Variants in TAF10 observed in about 807,000 individuals in gnomAD.
TAF10 encodes the protein transcription initiation factor TFIID subunit 10.
Under a neutral mutation model 18.1 loss-of-function variants are expected in TAF10, and 2 were observed. That is an observed-to-expected ratio of 0.11 (90% CI 0.05 to 0.35). TAF10 has a LOEUF of 0.35. Among genes scored for constraint, TAF10 ranks in the 10% least tolerant of loss-of-function variants. TAF10 has a pLI of 1.00. For missense variants in TAF10, 293 were observed against 306.9 expected, an observed-to-expected ratio of 0.95 and a Z score of 0.34; for synonymous variants, 158 against 134.6, an observed-to-expected ratio of 1.17 and a Z score of -1.20.
At position 6,612,085 on chromosome 11, in the gene TAF10, G is replaced by A; in HGVS notation, c.105C>T (p.Ser35=). The A allele has an allele frequency of 8.0e-7, 1 of 1,251,172 alleles. No homozygotes were observed. The highest frequency in any genetic ancestry group is 3.1e-5 in the South Asian group (1 of 32,048). The allele number at this position is 1,251,172 out of a possible 1,614,324, so 77.5% of individuals were successfully genotyped here. A position where few individuals can be genotyped will look rare whatever the true frequency, so the allele number is the denominator to read the frequency against. ...PPVSAPAALP[S]STAAENKASP... ...TGGCCTTGTTCTCCGCGGCGGTGCT[G>A]GAGGGCAGCGCGGCGGGAGCCGAGA... The change falls in exon 1 of 5, where the codon TCC becomes TCT. Residue 35 remains serine (S), a synonymous_variant. Transcript: ENST00000299424.
rs1855323389 is a variant in TAF10 at position 6,609,850 on chromosome 11, G to A, written c.*1072C>T. On this transcript the variant is annotated 3_prime_UTR_variant, in exon 5 of 5. Coordinates refer to ENST00000299424, the MANE Select transcript of TAF10 (RefSeq NM_006284.4). ...CTCAATAGCCGTAGTGTAATGGTGA[G>A]GCCACAAGCTCACTCCTGGCCCAGG... The A allele has an allele frequency of 6.2e-7, 1 of 1,614,204 alleles. No individual in the cohort carries two copies. The highest frequency in any genetic ancestry group is 8.5e-7 in the Non-Finnish European group (1 of 1,180,046).
Position 6,609,453 on chromosome 11 carries a change from T to C in TAF10, c.*1469A>G. On this transcript the variant is annotated 3_prime_UTR_variant, in exon 5 of 5. Transcript: ENST00000299424. ...GGAAGCTGCTAGTTCCAAGGAACCC[T>C]GAATAGCACTGAAAGAGATCTTTTG... 6.2e-7 allele frequency: 1 copy of C among 1,613,934 alleles called. No individual in the cohort carries two copies. The highest frequency in any genetic ancestry group is 8.5e-7 in the Non-Finnish European group (1 of 1,179,864).
In TAF10 at chr11:6,608,871, T is replaced by G; in HGVS notation, c.*2051A>C. On this transcript the variant is annotated 3_prime_UTR_variant, in exon 5 of 5. Coordinates refer to ENST00000299424, the MANE Select transcript of TAF10 (RefSeq NM_006284.4). The surrounding 1 kb of genome is among the most constrained non-coding windows in gnomAD (Gnocchi z 4.9). ...CCCTCTGTACCACAGCTTAGGTTGT[T>G]TTTCTTCCCTAGAGCGGGCAGAGAA... is the stretch of plus-strand genomic sequence containing the variant. 6.2e-7 allele frequency: 1 copy of G among 1,614,100 alleles called. No individual in the cohort carries two copies.
At position 6,610,669 on chromosome 11, in the gene TAF10, C is replaced by G. The variant is rs1855416190; in HGVS notation, c.*253G>C. ...GTCGGGACATGGTTGGGGGAATGCA[C>G]CTCCCCAAAGCAGCAGGCCTCTGGT... On this transcript the variant is annotated 3_prime_UTR_variant, in exon 5 of 5. Coordinates refer to ENST00000299424, the MANE Select transcript of TAF10 (RefSeq NM_006284.4). 3 of 1,602,188 alleles carry G rather than the reference C, an allele frequency of 1.9e-6. No individual in the cohort carries two copies. The highest frequency in any genetic ancestry group is 2.2e-5 in the East Asian group (1 of 44,830).
chr11:6,611,299 G>A lies in TAF10; in HGVS notation c.457C>T (p.Arg153Trp), dbSNP rs1855451486. Residue 153 changes from arginine to tryptophan, a missense_variant, in exon 4 of 5, where the codon CGG (arginine) becomes TGG (tryptophan). Physicochemically the swap from Arg to Trp is moderately radical, Grantham distance 101. Coordinates refer to ENST00000299424, the MANE Select transcript of TAF10 (RefSeq NM_006284.4). ...TTCTGGGCAGCTAAGGAGATGAGCC[G>A]AATTCTAGAGAGAAAAAACTTAGAT... Reference protein sequence around the residue: ...GFEASDPRIIRLISLAAQKFI... With the variant: ...GFEASDPRIIWLISLAAQKFI... 1.2e-6 allele frequency: 2 copies of A among 1,614,078 alleles called. No homozygotes were observed. The highest frequency in any genetic ancestry group is 1.7e-6 in the Non-Finnish European group (2 of 1,180,030).
rs1257537906 is a variant in TAF10 at position 6,610,002 on chromosome 11, C to T, written c.*920G>A. On this transcript the variant is annotated 3_prime_UTR_variant, in exon 5 of 5. Transcript: ENST00000299424. The stretch of plus-strand genomic sequence containing the variant: ...CAAGTTCTCTTTCCAATGTCCTGGT[C>T]GCATGTATGCACCTGCCTGGGTAGC... 17 of 1,614,002 alleles carry T rather than the reference C, an allele frequency of 1.1e-5. No homozygotes were observed. The highest frequency in any genetic ancestry group is 2.2e-5 in the East Asian group (1 of 44,902).
rs1263578100 is a variant in TAF10 at position 6,608,021 on chromosome 11, A to G, written c.*2901T>C. The G allele has an allele frequency of 1.2e-6, 2 of 1,613,078 alleles. No individual in the cohort carries two copies. Among genetic ancestry groups the G allele is most frequent in the Non-Finnish European group, 1.7e-6 (2 of 1,179,752 alleles). ...CTTTGCCCCATCCCACCTCCAGCTC[A>G]ATGACCATTGCCCCTTCCTCAAAGG... is the stretch of plus-strand genomic sequence containing the variant. On this transcript the variant is annotated 3_prime_UTR_variant, in exon 5 of 5. Coordinates refer to ENST00000299424, the MANE Select transcript of TAF10 (RefSeq NM_006284.4). This position sits in a 1 kb window ranked among gnomAD's most constrained non-coding sequence, Gnocchi z 4.9.
In TAF10 at chr11:6,610,779, G is replaced by T. The variant is rs1479274971; in HGVS notation, c.*143C>A. 7.5e-7 allele frequency: 1 copy of T among 1,326,964 alleles called. No homozygotes were observed. The highest frequency in any genetic ancestry group is 1.1e-6 in the Non-Finnish European group (1 of 935,262). The allele number at this position is 1,326,964 out of a possible 1,614,324, so 82.2% of individuals were successfully genotyped here. ...ATCCCTACCACTGTGGCCCCAAGAG[G>T]GGCGGGCTCAGAGCTTTGTCACTTG... On this transcript the variant is annotated 3_prime_UTR_variant, in exon 5 of 5. Transcript: ENST00000299424.
chr11:6,608,531 A>G lies in TAF10; in HGVS notation c.*2391T>C. On this transcript the variant is annotated 3_prime_UTR_variant, in exon 5 of 5. Coordinates refer to ENST00000299424, the MANE Select transcript of TAF10 (RefSeq NM_006284.4). The surrounding 1 kb of genome is among the most constrained non-coding windows in gnomAD (Gnocchi z 4.9). ...TAATTCCTGAGATGGGTAGGAAGTAAAGTCTGAGCCTTGGTGGGAGATTTT... is the reference window on the plus strand; with the variant it reads ...TAATTCCTGAGATGGGTAGGAAGTAGAGTCTGAGCCTTGGTGGGAGATTTT... 6.5e-7 allele frequency: 1 copy of G among 1,539,720 alleles called. No homozygotes were observed. The highest frequency in any genetic ancestry group is 1.4e-5 in the African/African-American group (1 of 73,460).
chr11:6,611,325 G>A, intron 3 of TAF10, 22 bp from the exon 4 acceptor site: 2 of 1,613,980 alleles, frequency 1.2e-6, no homozygotes, highest in Non-Finnish European at 1.7e-6. Context: ...AAACTTAGAT[G>A]AGAAGGAGAT....
In TAF10 at chr11:6,609,388, T is replaced by TGAAGA. The variant is rs1433830282; in HGVS notation, c.*1529_*1533dup. The TGAAGA allele has an allele frequency of 6.2e-7, 1 of 1,613,908 alleles. No individual in the cohort carries two copies. The highest frequency in any genetic ancestry group is 8.5e-7 in the Non-Finnish European group (1 of 1,180,004). On this transcript the variant is annotated 3_prime_UTR_variant, in exon 5 of 5. Transcript: ENST00000299424. ...GTACAAGGAAGAGCAGGGACTTCAA[T>TGAAGA]GAAGAGTGTCCCCGGCTCAGGTAGT...
At position 6,609,875 on chromosome 11, in the gene TAF10, G is replaced by A; in HGVS notation, c.*1047C>T. Reference sequence around the variant, plus strand: ...GGCCACAAGCTCACTCCTGGCCCAGGCCCCAAAAGCCCTTTGCCTATCTAT... The same window carrying A: ...GGCCACAAGCTCACTCCTGGCCCAGACCCCAAAAGCCCTTTGCCTATCTAT... On this transcript the variant is annotated 3_prime_UTR_variant, in exon 5 of 5. Transcript: ENST00000299424. The A allele has an allele frequency of 6.2e-7, 1 of 1,614,174 alleles. No individual in the cohort carries two copies.
Position 6,608,121 on chromosome 11 carries a change from G to A in TAF10, c.*2801C>T. On this transcript the variant is annotated 3_prime_UTR_variant, in exon 5 of 5. Coordinates refer to ENST00000299424, the MANE Select transcript of TAF10 (RefSeq NM_006284.4). The surrounding 1 kb of genome is among the most constrained non-coding windows in gnomAD (Gnocchi z 4.9). Reference sequence around the variant, plus strand: ...CTGCTGTGGTTGAGATGTTGATCATGCGGGGGGCACGGATCAATGTAATGA... The same window carrying A: ...CTGCTGTGGTTGAGATGTTGATCATACGGGGGGCACGGATCAATGTAATGA... 6.2e-6 allele frequency: 10 copies of A among 1,614,156 alleles called. No homozygotes were observed. Among genetic ancestry groups the A allele is most frequent in the Non-Finnish European group, 8.5e-6 (10 of 1,180,014 alleles).
chr11:6,611,580 C>T (rs1271194857), intron 2 of TAF10, 84 bp downstream of exon 2: 1 of 1,587,788 alleles, frequency 6.3e-7, no homozygotes, highest in Non-Finnish European at 8.6e-7. Flanking sequence ...ACTAGGGGAG[C>T]AAATGGAAGA....
Position 6,607,835 on chromosome 11 carries a change from A to G in TAF10, c.*3087T>C. 1.7e-6 allele frequency: 1 copy of G among 586,884 alleles called. No homozygotes were observed. The allele number at this position is 586,884 out of a possible 1,614,324, so 36.4% of individuals were successfully genotyped here. A position where few individuals can be genotyped will look rare whatever the true frequency, so the allele number is the denominator to read the frequency against. On this transcript the variant is annotated 3_prime_UTR_variant, in exon 5 of 5. Transcript: ENST00000299424. ...TGGTGAAGATAACACATTTTTTTATAGAGGTTGTTGAGATATCTAGGTGGT... is the reference window on the plus strand; with the variant it reads ...TGGTGAAGATAACACATTTTTTTATGGAGGTTGTTGAGATATCTAGGTGGT...
At position 6,610,010 on chromosome 11, in the gene TAF10, T is replaced by C. The variant is rs771360848; in HGVS notation, c.*912A>G. 1 of 1,614,188 alleles carries C rather than the reference T, an allele frequency of 6.2e-7. No homozygotes were observed. The highest frequency in any genetic ancestry group is 8.5e-7 in the Non-Finnish European group (1 of 1,180,032). ...CTTTCCAATGTCCTGGTCGCATGTA[T>C]GCACCTGCCTGGGTAGCCCCCGAAG... On this transcript the variant is annotated 3_prime_UTR_variant, in exon 5 of 5. Transcript: ENST00000299424.
chr11:6,609,249 AG>A lies in TAF10; in HGVS notation c.*1672del, dbSNP rs752310565. The A allele has an allele frequency of 6.2e-7, 1 of 1,603,424 alleles. No individual in the cohort carries two copies. Among genetic ancestry groups the A allele is most frequent in the Non-Finnish European group, 8.5e-7 (1 of 1,170,408 alleles). ...AAGTTTTTCCTCCAGTTAGTGGGCA[AG>A]GAAGTGGCAGCAACATTTCAAGCCT... On this transcript the variant is annotated 3_prime_UTR_variant, in exon 5 of 5. Coordinates refer to ENST00000299424, the MANE Select transcript of TAF10 (RefSeq NM_006284.4).
intron 2 of TAF10, 51 bp downstream of exon 2, chr11:6,611,613 G>A (rs1855462830): frequency 6.3e-7 from 1 of 1,580,864 alleles, no homozygotes; most frequent in Non-Finnish European, 8.6e-7. Flanking sequence ...GCACGATGTG[G>A]CTGAAAGTTT....
chr11:6,609,996 C>G lies in TAF10; in HGVS notation c.*926G>C. 6.2e-7 allele frequency: 1 copy of G among 1,614,186 alleles called. No individual in the cohort carries two copies. Among genetic ancestry groups the G allele is most frequent in the Non-Finnish European group, 8.5e-7 (1 of 1,180,048 alleles). On this transcript the variant is annotated 3_prime_UTR_variant, in exon 5 of 5. Coordinates refer to ENST00000299424, the MANE Select transcript of TAF10 (RefSeq NM_006284.4). ...TGATGTCAAGTTCTCTTTCCAATGT[C>G]CTGGTCGCATGTATGCACCTGCCTG...
Sources: allele counts gnomAD v4.1 joint callset, GRCh38; gene constraint gnomAD v4.1.1; non-coding constraint Gnocchi (gnomAD v3.1); transcripts MANE v1.5; gene names NCBI Gene and HGNC (gene_info 2026-07-23, HGNC 2026-07-21).